The following RBFOX1 variants were observed in gnomAD, a reference collection of about 807,000 sequenced individuals.
RBFOX1 encodes the protein RNA binding fox-1 homolog 1.
A neutral mutation model predicts 57.7 loss-of-function variants in RBFOX1; 8 were observed. That is an observed-to-expected ratio of 0.14 (90% CI 0.08 to 0.25). The LOEUF (loss-of-function observed/expected upper bound fraction) is 0.25. RBFOX1 is among the 10% of genes least tolerant of loss of function. The probability of loss-of-function intolerance (pLI) is 1.00; values close to 1 mark genes in which losing one functional copy is unlikely to be tolerated. For synonymous variants in RBFOX1, 326 were observed against 222.4 expected, an observed-to-expected ratio of 1.47 and a Z score of -4.15; for missense variants, 611 against 548.5, an observed-to-expected ratio of 1.11 and a Z score of -1.14.
At chr16:6,240,658 C>T (rs904606771) in intron 1 of RBFOX1, among the ~76,000 whole-genome samples, 1 of 150,760 alleles carries the variant, frequency 6.6e-6, no homozygotes, top group Non-Finnish European at 1.5e-5. Flanking sequence ...TTATCACTGA[C>T]TTCATTTTTA....
chr16:5,434,618 C>T (rs1229596165), intron 1 of RBFOX1, among the ~76,000 whole-genome samples: 1 of 152,092 alleles, frequency 6.6e-6, no homozygotes, highest in East Asian at 1.9e-4. Context: ...CATGCCCAGC[C>T]TTGTTGTGAG....
chr16:5,986,829 A>C (rs375713558), intron 4 of RBFOX1, among the ~76,000 whole-genome samples: 1 of 152,178 alleles, frequency 6.6e-6, no homozygotes, highest in African/African-American at 2.4e-5. Context: ...AGTTGCTGTA[A>C]ACATTGGTGT....
intron 2 of RBFOX1, among the ~76,000 whole-genome samples, chr16:6,373,894 G>A (rs1243311831): frequency 2.0e-5 from 3 of 152,124 alleles, no homozygotes; most frequent in Admixed American, 2.0e-4. Context: ...GTTCCTTTTT[G>A]TCTTTCAGAT....
intron 4 of RBFOX1, among the ~76,000 whole-genome samples, chr16:7,426,898 C>T (rs998990281): frequency 1.3e-5 from 2 of 152,124 alleles, no homozygotes; most frequent in African/African-American, 2.4e-5. Context: ...ACCTCTGAGT[C>T]TGTGGCAGAT....
chr16:5,704,652 C>T (rs1048256801), intron 3 of RBFOX1, among the ~76,000 whole-genome samples: 1 of 152,178 alleles, frequency 6.6e-6, no homozygotes, highest in Non-Finnish European at 1.5e-5. Context: ...GTGGAAGTAG[C>T]CAACTACTTG....
At chr16:5,594,174 A>G (rs577513908) in intron 2 of RBFOX1, among the ~76,000 whole-genome samples, 11 of 152,274 alleles carry the variant, frequency 7.2e-5, no homozygotes, top group African/African-American at 2.6e-4. Flanking sequence ...TTGATTGGCC[A>G]TGGTCTTGGC....
At chr16:7,163,884 T>G (rs1316073339) in intron 4 of RBFOX1, among the ~76,000 whole-genome samples, 1 of 152,140 alleles carries the variant, frequency 6.6e-6, no homozygotes. Flanking sequence ...GGTATCGAAC[T>G]CCTGACCTCA....
chr16:5,316,551 G>T (rs2064244295), intron 1 of RBFOX1, among the ~76,000 whole-genome samples: 5 of 152,128 alleles, frequency 3.3e-5, no homozygotes, highest in Admixed American at 3.3e-4. Context: ...CAATAACTGG[G>T]GGACATTGGG....
intron 2 of RBFOX1, among the ~76,000 whole-genome samples, chr16:5,580,104 A>G (rs945087921): frequency 1.3e-5 from 2 of 152,178 alleles, no homozygotes; most frequent in Admixed American, 6.5e-5. Flanking sequence ...AGCATTACCT[A>G]CAACAGCTTG....
intron 4 of RBFOX1, among the ~76,000 whole-genome samples, chr16:7,161,918 C>G (rs977957525): frequency 6.6e-6 from 1 of 152,232 alleles, no homozygotes; most frequent in African/African-American, 2.4e-5. Context: ...GGTAAACACA[C>G]TCAAAGGTTT....
chr16:6,362,451 G>T (rs1266077401), intron 2 of RBFOX1, among the ~76,000 whole-genome samples: 2 of 152,178 alleles, frequency 1.3e-5, no homozygotes, highest in African/African-American at 4.8e-5. Context: ...ACTTAGGCAA[G>T]GTGCTAAATT....
intron 3 of RBFOX1, among the ~76,000 whole-genome samples, chr16:5,778,284 C>T (rs1189192526): frequency 6.6e-6 from 1 of 152,056 alleles, no homozygotes; most frequent in African/African-American, 2.4e-5. Flanking sequence ...CTTCACAGGG[C>T]CCCAGAGTTC....
At chr16:6,945,659 G>T (rs1271561868) in intron 3 of RBFOX1, among the ~76,000 whole-genome samples, 2 of 152,080 alleles carry the variant, frequency 1.3e-5, no homozygotes, top group African/African-American at 2.4e-5. Flanking sequence ...GGGAGGACGA[G>T]GTGGGTGGAT....
intron 4 of RBFOX1, among the ~76,000 whole-genome samples, chr16:7,409,119 C>T (rs1446492327): frequency 6.6e-6 from 1 of 152,244 alleles, no homozygotes; most frequent in Non-Finnish European, 1.5e-5. Context: ...CGCTCTAAGC[C>T]AGATCAGCAG....
chr16:5,353,080 C>G (rs2065299561), intron 1 of RBFOX1, among the ~76,000 whole-genome samples: 1 of 152,032 alleles, frequency 6.6e-6, no homozygotes. Context: ...TTTTTAAAGA[C>G]TTCTTTGTTC....
chr16:7,341,548 C>T (rs752021889), intron 4 of RBFOX1, among the ~76,000 whole-genome samples: 52 of 152,284 alleles, frequency 3.4e-4, no homozygotes, highest in Middle Eastern at 3.4e-3. Flanking sequence ...CTCCACCCCA[C>T]TGACCGACTC....
At chr16:5,708,724 G>A (rs891542287) in intron 3 of RBFOX1, among the ~76,000 whole-genome samples, 2 of 152,104 alleles carry the variant, frequency 1.3e-5, no homozygotes, top group African/African-American at 4.8e-5. Flanking sequence ...GCACCGGCTT[G>A]GGCAATAAAA....
intron 4 of RBFOX1, among the ~76,000 whole-genome samples, chr16:7,244,859 A>C (rs889756860): frequency 2.6e-5 from 4 of 152,144 alleles, no homozygotes; most frequent in African/African-American, 9.7e-5. Flanking sequence ...GGGCCTAAAT[A>C]AGAGATATTC....
chr16:6,410,513 G>C, intron 2 of RBFOX1, among the ~76,000 whole-genome samples: 1 of 151,618 alleles, frequency 6.6e-6, no homozygotes, highest in Admixed American at 6.6e-5. Flanking sequence ...GGGTTTCACC[G>C]TGTTAGCCAG....
Sources: gnomAD v4.1 joint callset for allele counts (sites outside exome capture counted in the v4.1 genomes callset) on GRCh38, gnomAD v4.1.1 for gene constraint, MANE v1.5 for transcripts, NCBI Gene and HGNC (gene_info 2026-07-23, HGNC 2026-07-21) for gene names.